GALNT7: variants seen among roughly 807,000 people sequenced by gnomAD.
The protein encoded by GALNT7 is polypeptide N-acetylgalactosaminyltransferase 7.
GALNT7 carries 60 observed loss-of-function variants against 82.1 expected under a neutral mutation model. That is an observed-to-expected ratio of 0.73 (90% CI 0.59 to 0.91). GALNT7 has a LOEUF of 0.91. Among genes scored for constraint, GALNT7 ranks in the 40% least tolerant of loss-of-function variants. The probability of loss-of-function intolerance (pLI) is 0.00; values close to 1 mark genes in which losing one functional copy is unlikely to be tolerated. For synonymous variants in GALNT7, 243 were observed against 275.1 expected (o/e 0.88, Z 1.15); for missense variants, 660 against 804.2 (o/e 0.82, Z 2.17).
At chr4:173,299,724 T>TA (rs1333715212) in intron 6 of GALNT7, among the ~76,000 whole-genome samples, 1 of 152,078 alleles carries the variant, frequency 6.6e-6, no homozygotes, top group Admixed American at 6.5e-5. Context: ...TGTGTGCCTG[T>TA]AATCCCAGCT....
intron 2 of GALNT7, among the ~76,000 whole-genome samples, chr4:173,265,839 T>C (rs969696573): frequency 4.6e-5 from 7 of 152,114 alleles, no homozygotes; most frequent in African/African-American, 1.7e-4. Context: ...CCAGATAAAC[T>C]GCTTATCAGA....
At chr4:173,230,863 T>C (rs116736062) in intron 1 of GALNT7, among the ~76,000 whole-genome samples, 2,319 of 152,326 alleles carry the variant, frequency 0.015, 34 homozygotes, top group African/African-American at 0.03. Flanking sequence ...GTAATTATCT[T>C]CTGCTGTCTT....
At chr4:173,304,730 A>G (rs986915813) in intron 8 of GALNT7, among the ~76,000 whole-genome samples, 1 of 151,976 alleles carries the variant, frequency 6.6e-6, no homozygotes, top group African/African-American at 2.4e-5. Context: ...CCACCATTTT[A>G]CTATCTGTTT....
chr4:173,179,419 G>T (rs1732176268), intron 1 of GALNT7, among the ~76,000 whole-genome samples: 2 of 152,188 alleles, frequency 1.3e-5, no homozygotes, highest in Admixed American at 6.5e-5. Context: ...GAGCCTGGAG[G>T]ATTGCTTGAG....
intron 2 of GALNT7, among the ~76,000 whole-genome samples, chr4:173,281,014 A>G (rs1736091069): frequency 6.6e-6 from 1 of 152,176 alleles, no homozygotes; most frequent in African/African-American, 2.4e-5. Flanking sequence ...TTCATTTGGG[A>G]TAAGTGTCCA....
At chr4:173,239,848 TA>T (rs200828429) in intron 1 of GALNT7, among the ~76,000 whole-genome samples, 1 of 152,240 alleles carries the variant, frequency 6.6e-6, no homozygotes, top group East Asian at 1.9e-4. Context: ...TATGGTTCTT[TA>T]AAAGTAAATT....
intron 1 of GALNT7, among the ~76,000 whole-genome samples, chr4:173,198,226 AT>A (rs35936188): frequency 2.9e-5 from 4 of 138,910 alleles, no homozygotes; most frequent in African/African-American, 8.0e-5. Flanking sequence ...TGCCTGGCTA[AT>A]TTTTTTTTTT....
intron 2 of GALNT7, among the ~76,000 whole-genome samples, chr4:173,290,546 C>A (rs1428112001): frequency 6.6e-6 from 1 of 152,104 alleles, no homozygotes; most frequent in African/African-American, 2.4e-5. Context: ...AGTAGAAGCT[C>A]TTTTAGGGAG....
chr4:173,209,689 A>G (rs1161612048), intron 1 of GALNT7, among the ~76,000 whole-genome samples: 1 of 152,154 alleles, frequency 6.6e-6, no homozygotes, highest in Non-Finnish European at 1.5e-5. Context: ...GAATGTGTAG[A>G]TGGCCTTCAG....
chr4:173,192,836 C>G (rs1732665158), intron 1 of GALNT7, among the ~76,000 whole-genome samples: 1 of 152,188 alleles, frequency 6.6e-6, no homozygotes, highest in Non-Finnish European at 1.5e-5. Flanking sequence ...AAGGTTCAAC[C>G]CTGTTCCATG....
At chr4:173,250,890 G>T (rs985575762) in intron 2 of GALNT7, among the ~76,000 whole-genome samples, 1 of 151,976 alleles carries the variant, frequency 6.6e-6, no homozygotes, top group Non-Finnish European at 1.5e-5. Context: ...TTCCCATGAC[G>T]GGCTGGCTCC....
intron 1 of GALNT7, among the ~76,000 whole-genome samples, chr4:173,231,931 C>G (rs1734042364): frequency 6.6e-6 from 1 of 152,060 alleles, no homozygotes; most frequent in South Asian, 2.1e-4. Flanking sequence ...GGAAGAAAAA[C>G]TAACATATAG....
intron 7 of GALNT7, 39 bp from the exon 8 acceptor site, chr4:173,303,957 T>C (rs774171841): frequency 1.3e-6 from 2 of 1,565,478 alleles, no homozygotes; most frequent in Admixed American, 1.8e-5. Context: ...TTTATGTTTG[T>C]ATTTGAAACA....
intron 1 of GALNT7, among the ~76,000 whole-genome samples, chr4:173,226,002 G>A (rs867875698): frequency 6.6e-6 from 1 of 152,106 alleles, no homozygotes; most frequent in Non-Finnish European, 1.5e-5. Flanking sequence ...TTGACCCATC[G>A]CTGTGTGCAG....
intron 1 of GALNT7, among the ~76,000 whole-genome samples, chr4:173,199,232 T>A (rs1192724399): frequency 6.6e-6 from 1 of 152,130 alleles, no homozygotes; most frequent in Admixed American, 6.5e-5. Flanking sequence ...TCTAGGGGAT[T>A]GAGTGATAAG....
intron 2 of GALNT7, among the ~76,000 whole-genome samples, chr4:173,269,722 C>CCCT (rs1045462303): frequency 1.3e-4 from 19 of 151,904 alleles, no homozygotes; most frequent in African/African-American, 2.2e-4. Flanking sequence ...ATTTAATCTT[C>CCCT]CCTCCTCCTC....
At chr4:173,285,456 C>T (rs1414211558) in intron 2 of GALNT7, among the ~76,000 whole-genome samples, 2 of 152,228 alleles carry the variant, frequency 1.3e-5, no homozygotes, top group Non-Finnish European at 2.9e-5. Context: ...AAGCAGTTTG[C>T]AACCTTAAAA....
intron 2 of GALNT7, among the ~76,000 whole-genome samples, chr4:173,272,707 G>C (rs973450985): frequency 3.3e-5 from 5 of 152,066 alleles, no homozygotes; most frequent in Non-Finnish European, 4.4e-5. Flanking sequence ...CCTTTACAAC[G>C]TTTTTAAACA....
intron 1 of GALNT7, among the ~76,000 whole-genome samples, chr4:173,208,705 T>C (rs1309869349): frequency 2.0e-5 from 3 of 152,168 alleles, no homozygotes; most frequent in East Asian, 1.9e-4. Context: ...TTACAAGTTA[T>C]CCTCCTTGTA....
Sources: gnomAD v4.1 joint callset for allele counts (sites outside exome capture counted in the v4.1 genomes callset) on GRCh38, gnomAD v4.1.1 for gene constraint, MANE v1.5 for transcripts, NCBI Gene and HGNC (gene_info 2026-07-23, HGNC 2026-07-21) for gene names.